CASKIN1: variants seen among roughly 807,000 people sequenced by gnomAD.
CASKIN1 encodes caskin-1.
CASKIN1 carries 42 observed loss-of-function variants against 117.5 expected under a neutral mutation model. That is an observed-to-expected ratio of 0.36 (90% confidence interval 0.28 to 0.46). The LOEUF (loss-of-function observed/expected upper bound fraction) is 0.46, where lower values mean the gene tolerates loss of function less well. CASKIN1 is among the 20% of genes least tolerant of loss of function. The pLI, the probability that CASKIN1 is intolerant of heterozygous loss-of-function variation, is 1.00. For missense variants in CASKIN1, 2,083 were observed against 2,077.3 expected (o/e 1.00, Z -0.05); for synonymous variants, 1,148 against 961.7 (o/e 1.19, Z -3.59).
In CASKIN1 at chr16:2,196,282, C is replaced by T. The variant is rs574454970; in HGVS notation, c.94+57G>A. ...CCGCCCGGCGCCGGGTGGGGGGCTC[C>T]GCGCCGGGGAGGGGCCCCCGGGGCT... On this transcript the variant is annotated intron_variant, in intron 1 of 19. Coordinates refer to ENST00000343516, the MANE Select transcript of CASKIN1 (RefSeq NM_020764.4). The surrounding 1 kb of genome is among the most constrained non-coding windows in gnomAD (Gnocchi z 5.7). The T allele has an allele frequency of 7.4e-5, 61 of 826,842 alleles. No individual in the cohort carries two copies. In the African/African-American group the frequency reaches 1.0e-3, roughly 14 times the overall value. 51.2% of individuals were successfully genotyped at this position (826,842 alleles called of 1,614,324 possible).
chr16:2,185,787 C>T (rs928567462), intron 10 of CASKIN1, among the ~76,000 whole-genome samples: 1 of 152,246 alleles, frequency 6.6e-6, no homozygotes. Context: ...CTGTCAACCT[C>T]CAGGTCCTCC....
At position 2,180,295 on chromosome 16, in the gene CASKIN1, CAGG is replaced by C. The variant is rs781322896; in HGVS notation, c.3070_3072del (p.Pro1024del). 1.6e-5 allele frequency: 26 copies of C among 1,582,568 alleles called. No homozygotes were observed. Among genetic ancestry groups the C allele is most frequent in the Non-Finnish European group, 2.2e-5 (26 of 1,168,194 alleles). Reference sequence around the variant, plus strand: ...GCAGGGCGGGGAGTGGGGTGGCCCTCAGGAGGCCTGCGGGCAGCCCGGCCCCCA... The same window carrying C: ...GCAGGGCGGGGAGTGGGGTGGCCCTCAGGCCTGCGGGCAGCCCGGCCCCCA... On this transcript the variant is annotated inframe_deletion, in exon 18 of 20. Transcript: ENST00000343516.
chr16:2,183,159 T>A (rs2093173330), intron 16 of CASKIN1, among the ~76,000 whole-genome samples: 1 of 152,018 alleles, frequency 6.6e-6, no homozygotes, highest in African/African-American at 2.4e-5. Flanking sequence ...CAGCTATTGG[T>A]GAGGGCCACA....
intron 14 of CASKIN1, among the ~76,000 whole-genome samples, chr16:2,184,535 A>G (rs2093177962): frequency 6.6e-6 from 1 of 152,064 alleles, no homozygotes; most frequent in South Asian, 2.1e-4. Context: ...CATCACACAC[A>G]CACACGCACA....
In CASKIN1 at chr16:2,178,368, C is replaced by T; in HGVS notation, c.*182G>A. The T allele has an allele frequency of 2.1e-6, 1 of 467,410 alleles. No individual in the cohort carries two copies. Among genetic ancestry groups the T allele is most frequent in the East Asian group, 4.0e-5 (1 of 24,982 alleles). 29.0% of individuals were successfully genotyped at this position (467,410 alleles called of 1,614,324 possible). A position where few individuals can be genotyped will look rare whatever the true frequency, so the allele number is the denominator to read the frequency against. On this transcript the variant is annotated 3_prime_UTR_variant, in exon 20 of 20. Transcript: ENST00000343516. Reference sequence around the variant, plus strand: ...CGCGGGCGCAGGGTCTGCCTAGAGCCCTTGGAGCCCCCGGCCAGGCGGTCC... The same window carrying T: ...CGCGGGCGCAGGGTCTGCCTAGAGCTCTTGGAGCCCCCGGCCAGGCGGTCC...
In CASKIN1 at chr16:2,177,908, C is replaced by T. The variant is rs542338717; in HGVS notation, c.*642G>A. 60 of 333,154 alleles carry T rather than the reference C, an allele frequency of 1.8e-4. 1 individual carries two copies. The South Asian group carries it at 1.9e-3, about 11-fold the overall frequency. The allele number at this position is 333,154 out of a possible 1,614,324, so 20.6% of individuals were successfully genotyped here. A position where few individuals can be genotyped will look rare whatever the true frequency, so the allele number is the denominator to read the frequency against. On this transcript the variant is annotated 3_prime_UTR_variant, in exon 20 of 20. Coordinates refer to ENST00000343516, the MANE Select transcript of CASKIN1 (RefSeq NM_020764.4). ...TTCCACCTGTGCTAGCAGCCTGGGGCCTCCACTCTGGCCGGAGGAAGGACC... is the reference window on the plus strand; with the variant it reads ...TTCCACCTGTGCTAGCAGCCTGGGGTCTCCACTCTGGCCGGAGGAAGGACC...
rs145309401 is a variant in CASKIN1, at chr16:2,196,122, C to T, written c.94+217G>A. On this transcript the variant is annotated intron_variant, in intron 1 of 19. Coordinates refer to ENST00000343516, the MANE Select transcript of CASKIN1 (RefSeq NM_020764.4). This position sits in a 1 kb window ranked among gnomAD's most constrained non-coding sequence, Gnocchi z 5.7. Reference sequence around the variant, plus strand: ...GGCGGGTGCCGCCAGGTGCCCGCTGCGGGGCTCACGGTGGCGGCCGGCTCT... The same window carrying T: ...GGCGGGTGCCGCCAGGTGCCCGCTGTGGGGCTCACGGTGGCGGCCGGCTCT... Among the ~76,000 whole-genome samples the T allele has an allele frequency of 0.01, 1,524 of 152,014 alleles. 19 individuals are homozygous for T. The highest frequency in any genetic ancestry group is 0.033 in the African/African-American group (1,368 of 41,500).
chr16:2,180,377 A>C lies in CASKIN1; in HGVS notation c.2991T>G (p.Ser997Arg), dbSNP rs904270468. Residue 997 changes from serine to arginine, a missense_variant, in exon 18 of 20, where the codon AGT becomes AGG. Around this residue, in one of 3 missense-constraint regions of CASKIN1, gnomAD observed 1,818 missense variants for 1,688.9 expected, o/e 1.08. Transcript: ENST00000343516. Reference protein sequence around the residue: ...SDLAGSVDTGSAGSVKSIAAM... With the variant: ...SDLAGSVDTGRAGSVKSIAAM... ...CCGCGATGCTCTTCACACTGCCGGCACTACCCGTGTCCACGCTGCCGGCCA... is the reference window on the plus strand; with the variant it reads ...CCGCGATGCTCTTCACACTGCCGGCCCTACCCGTGTCCACGCTGCCGGCCA... 6.3e-7 allele frequency: 1 copy of C among 1,592,270 alleles called. No homozygotes were observed. The highest frequency in any genetic ancestry group is 8.5e-7 in the Non-Finnish European group (1 of 1,176,088).
At position 2,180,254 on chromosome 16, in the gene CASKIN1, G is replaced by T; in HGVS notation, c.3114C>A (p.Gly1038=). ...PTPRPASPEP[G]RVATVLASVK... is the part of the protein sequence containing the mutation. ...CTGAGGCCAGCACGGTGGCCACCCG[G>T]CCCGGCTCTGGGCTGGCAGGGCGGG... Residue 1038 remains glycine (G), a synonymous_variant, in exon 18 of 20, where the codon GGC becomes GGA. Transcript: ENST00000343516. The T allele has an allele frequency of 1.3e-6, 2 of 1,555,478 alleles. No individual in the cohort carries two copies. The highest frequency in any genetic ancestry group is 1.7e-6 in the Non-Finnish European group (2 of 1,151,210).
At position 2,181,881 on chromosome 16, in the gene CASKIN1, TGTA is replaced by T; in HGVS notation, c.1675_1677del (p.Tyr559del). 6.2e-7 allele frequency: 1 copy of T among 1,613,782 alleles called. No homozygotes were observed. Among genetic ancestry groups the T allele is most frequent in the Admixed American group, 1.7e-5 (1 of 60,022 alleles). ...TCGTAGCCATTGTCCACCAACACCTTGTAGTACTGGGCCAGGCCGATCATGGAC... is the reference window on the plus strand; with the variant it reads ...TCGTAGCCATTGTCCACCAACACCTTGTACTGGGCCAGGCCGATCATGGAC... On this transcript the variant is annotated inframe_deletion, in exon 17 of 20. Transcript: ENST00000343516.
Position 2,180,111 on chromosome 16 carries a change from T to G in CASKIN1, c.3257A>C (p.Asp1086Ala), listed in dbSNP as rs764296579. 2 of 1,554,626 alleles carry G rather than the reference T, an allele frequency of 1.3e-6. No individual in the cohort carries two copies. Among genetic ancestry groups the G allele is most frequent in the Non-Finnish European group, 1.7e-6 (2 of 1,150,976 alleles). ...TARRGPGESADPGPFVEDGTG... is the reference protein window; with the variant it reads ...TARRGPGESAAPGPFVEDGTG... ...GCCATCCTCCACAAAGGGGCCTGGG[T>G]CTGCCGACTCCCCAGGCCCCCGGCG... The change falls in exon 18 of 20, where the codon GAC becomes GCC. Residue 1086 changes from aspartate (D) to alanine (A), a missense_variant. Asp to Ala is a moderately radical substitution (Grantham distance 126). Around this residue, in one of 3 missense-constraint regions of CASKIN1, gnomAD observed 1,818 missense variants for 1,688.9 expected, o/e 1.08. Coordinates refer to ENST00000343516, the MANE Select transcript of CASKIN1 (RefSeq NM_020764.4).
intron 3 of CASKIN1, 88 bp from the exon 4 acceptor site, chr16:2,189,652 C>A (rs984860448): frequency 1.3e-5 from 18 of 1,400,372 alleles, no homozygotes; most frequent in Non-Finnish European, 1.7e-5. Context: ...GACCCCTGAC[C>A]CCAAGTCCAA....
In CASKIN1 at chr16:2,179,501, T is replaced by A. The variant is rs1053368260; in HGVS notation, c.3775+92A>T. The A allele has an allele frequency of 9.3e-6, 13 of 1,391,614 alleles. No homozygotes were observed. The East Asian group carries it at 1.4e-4, about 15-fold the overall frequency. 86.2% of individuals were successfully genotyped at this position (1,391,614 alleles called of 1,614,324 possible). A position where few individuals can be genotyped will look rare whatever the true frequency, so the allele number is the denominator to read the frequency against. On this transcript the variant is annotated intron_variant, in intron 18 of 19. Coordinates refer to ENST00000343516, the MANE Select transcript of CASKIN1 (RefSeq NM_020764.4). The surrounding 1 kb of genome is among the most constrained non-coding windows in gnomAD (Gnocchi z 5.8). ...CGTTCCCACCCCACCTGGGCTTCCA[T>A]CAAACCCAAGAAAAGGAAAACCCCT...
Position 2,178,469 on chromosome 16 carries a change from G to T in CASKIN1, c.*81C>A. The T allele has an allele frequency of 1.7e-6, 2 of 1,155,628 alleles. No individual in the cohort carries two copies. Among genetic ancestry groups the T allele is most frequent in the Non-Finnish European group, 2.3e-6 (2 of 856,424 alleles). The allele number at this position is 1,155,628 out of a possible 1,614,324, so 71.6% of individuals were successfully genotyped here. A position where few individuals can be genotyped will look rare whatever the true frequency, so the allele number is the denominator to read the frequency against. On this transcript the variant is annotated 3_prime_UTR_variant, in exon 20 of 20. Coordinates refer to ENST00000343516, the MANE Select transcript of CASKIN1 (RefSeq NM_020764.4). ...GGCCCTGCCCGGCCGCTCGCGCCGCGCCCAGACGCGCCCATCCTGAGGTAT... is the reference window on the plus strand; with the variant it reads ...GGCCCTGCCCGGCCGCTCGCGCCGCTCCCAGACGCGCCCATCCTGAGGTAT...
chr16:2,183,083 G>A (rs567778026), intron 16 of CASKIN1, among the ~76,000 whole-genome samples: 5 of 152,336 alleles, frequency 3.3e-5, no homozygotes, highest in Admixed American at 6.5e-5. Context: ...CACCGCGCCC[G>A]GCCGCACCTC....
intron 12 of CASKIN1, 35 bp downstream of exon 12, chr16:2,185,076 C>G: frequency 6.2e-7 from 1 of 1,607,270 alleles, no homozygotes. Flanking sequence ...GCTCCCAGCC[C>G]TGGCCACCCT....
intron 1 of CASKIN1, among the ~76,000 whole-genome samples, chr16:2,191,697 C>A (rs1302878816): frequency 6.6e-6 from 1 of 152,274 alleles, no homozygotes; most frequent in Non-Finnish European, 1.5e-5. Flanking sequence ...ACTGCTGGCA[C>A]CAGTGTCCCT....
rs779952744 is a variant in CASKIN1, at chr16:2,180,581, G to C, written c.2787C>G (p.Asn929Lys). The C allele has an allele frequency of 6.4e-7, 1 of 1,570,540 alleles. No individual in the cohort carries two copies. ...SVRAPAGADK[N>K]VNRSQSFAVR... ...CGGCAAAGGACTGGCTGCGGTTGAC[G>C]TTCTTGTCGGCACCTGCGGGCGCCC... Residue 929 changes from asparagine to lysine, a missense_variant, in exon 18 of 20, where the codon AAC (asparagine) becomes AAG (lysine). Asn to Lys is a moderately conservative substitution (Grantham distance 94). Transcript: ENST00000343516.
Position 2,196,356 on chromosome 16 carries a change from G to C in CASKIN1, c.77C>G (p.Pro26Arg). The change falls in exon 1 of 20, where the codon CCG (proline) becomes CGG (arginine). Residue 26 changes from proline (P) to arginine (R), a missense_variant. Transcript: ENST00000343516. This position sits in a 1 kb window ranked among gnomAD's most constrained non-coding sequence, Gnocchi z 5.7. ...GCACTCACTGGCCTTCCCGGGCCGC[G>C]GCCTCTGCAGCAGCCTCTGCGCGGT... ...VGTAQRLLQR[P>R]RPGKAKLLGS... 7.6e-7 allele frequency: 1 copy of C among 1,320,524 alleles called. No individual in the cohort carries two copies. Among genetic ancestry groups the C allele is most frequent in the Non-Finnish European group, 9.8e-7 (1 of 1,022,306 alleles). 81.8% of individuals were successfully genotyped at this position (1,320,524 alleles called of 1,614,324 possible). A position where few individuals can be genotyped will look rare whatever the true frequency, so the allele number is the denominator to read the frequency against.
Sources: allele counts gnomAD v4.1 joint callset (sites outside exome capture counted in the v4.1 genomes callset), GRCh38; gene constraint gnomAD v4.1.1; regional missense constraint gnomAD v4.1.1; non-coding constraint Gnocchi (gnomAD v3.1); transcripts MANE v1.5; gene names NCBI Gene and HGNC (gene_info 2026-07-23, HGNC 2026-07-21).